The following LPIN2 variants were observed in gnomAD, a reference collection of about 807,000 sequenced individuals.
LPIN2 encodes phosphatidate phosphatase LPIN2.
LPIN2 carries 55 observed loss-of-function variants against 111.4 expected under a neutral mutation model. The ratio of observed to expected loss-of-function variants is 0.49; its 90% CI spans 0.40 to 0.62. LPIN2 has a LOEUF of 0.62. LPIN2 is among the 20% of genes least tolerant of loss of function. The probability of loss-of-function intolerance (pLI) is 0.00; values close to 1 mark genes in which losing one functional copy is unlikely to be tolerated. For synonymous variants in LPIN2, 425 were observed against 414.0 expected (o/e 1.03, Z -0.32); for missense variants, 992 against 1,112.1 (o/e 0.89, Z 1.54).
At chr18:2,937,137 A>G (rs1400154330) in intron 7 of LPIN2, among the ~76,000 whole-genome samples, 1 of 152,126 alleles carries the variant, frequency 6.6e-6, no homozygotes, top group Non-Finnish European at 1.5e-5. Flanking sequence ...TTTCTCAGTA[A>G]ATGCTTCTCA....
At chr18:2,953,208 T>C (rs936246624) in intron 3 of LPIN2, among the ~76,000 whole-genome samples, 3 of 152,232 alleles carry the variant, frequency 2.0e-5, no homozygotes, top group Admixed American at 6.5e-5. Context: ...TTGTCCTTGC[T>C]GAGCATAATT....
chr18:2,960,741 T>C lies in LPIN2; in HGVS notation c.100A>G (p.Ile34Val). Residue 34 changes from isoleucine to valine, a missense_variant, in exon 2 of 20, where the codon ATC (isoleucine) becomes GTC (valine). This residue lies in a region of LPIN2 where 67 missense variants were observed against 112.1 expected (regional missense o/e 0.60). Coordinates refer to ENST00000677752, the MANE Select transcript of LPIN2 (RefSeq NM_001375808.2). ...QATLSGCIDVIVVQQQDGSYQ... is the reference protein window; with the variant it reads ...QATLSGCIDVVVVQQQDGSYQ... ...CTGCCATCCTGCTGCTGTACCACGA[T>C]GACATCAATGCACCCAGAGAGGGTG... 1 of 1,614,142 alleles carries C rather than the reference T, an allele frequency of 6.2e-7. No homozygotes were observed. Among genetic ancestry groups the C allele is most frequent in the Non-Finnish European group, 8.5e-7 (1 of 1,180,032 alleles).
At chr18:2,926,875 C>G (rs954639493) in intron 12 of LPIN2, 70 bp from the exon 13 acceptor site, 8 of 1,217,530 alleles carry the variant, frequency 6.6e-6, no homozygotes. Flanking sequence ...CATCAGCAGC[C>G]CTCTCTAGGA....
intron 2 of LPIN2, among the ~76,000 whole-genome samples, chr18:2,957,026 A>C (rs755203004): frequency 5.9e-5 from 9 of 152,250 alleles, no homozygotes; most frequent in African/African-American, 9.6e-5. Context: ...CACTAATTTG[A>C]TGTATGAAAT....
chr18:2,986,902 CA>C (rs2078195191), intron 1 of LPIN2, among the ~76,000 whole-genome samples: 1 of 151,898 alleles, frequency 6.6e-6, no homozygotes, highest in African/African-American at 2.4e-5. Flanking sequence ...AAAATAAAGC[CA>C]AAAGAAATGG....
intron 1 of LPIN2, among the ~76,000 whole-genome samples, chr18:2,997,400 TACAAGCATGAGCCACTGC>T (rs1341999123): frequency 2.1e-5 from 1 of 48,636 alleles, no homozygotes; most frequent in Admixed American, 2.4e-4. Context: ...GTGCTGGGAT[TACAAGCATGAGCCACTGC>T]ACCTGGCAGA....
chr18:2,931,871 C>T (rs1026268315), intron 8 of LPIN2, among the ~76,000 whole-genome samples: 1 of 152,168 alleles, frequency 6.6e-6, no homozygotes, highest in African/African-American at 2.4e-5. Context: ...GCACTTTATA[C>T]ATCCTGTAGA....
Position 2,920,485 on chromosome 18 carries a change from G to C in LPIN2, c.2547-48C>G, listed in dbSNP as rs761921224. ...GGCACAGGCTATTACTTCAAGATCG[G>C]TCAAAGGCACAAGATGGGGGGCTGT... On this transcript the variant is annotated intron_variant, in intron 19 of 19. Coordinates refer to ENST00000677752, the MANE Select transcript of LPIN2 (RefSeq NM_001375808.2). 176 of 1,605,674 alleles carry C rather than the reference G, an allele frequency of 1.1e-4. 1 individual carries two copies. In the Admixed American group the frequency reaches 2.9e-3, roughly 26 times the overall value.
chr18:3,007,597 T>C (rs1239959136), intron 1 of LPIN2, among the ~76,000 whole-genome samples: 3 of 152,216 alleles, frequency 2.0e-5, no homozygotes, highest in Non-Finnish European at 4.4e-5. Flanking sequence ...ACAAAAGATA[T>C]ATTATATCCC....
chr18:2,937,227 G>A (rs1391170167), intron 7 of LPIN2, among the ~76,000 whole-genome samples: 1 of 152,056 alleles, frequency 6.6e-6, no homozygotes, highest in African/African-American at 2.4e-5. Context: ...CCAGGGGGAC[G>A]CCATGGAAAG....
In LPIN2 at chr18:2,937,686, G is replaced by A. The variant is rs200130790; in HGVS notation, c.1168+6C>T. The A allele has an allele frequency of 3.2e-4, 516 of 1,612,314 alleles. No individual in the cohort carries two copies. The highest frequency in any genetic ancestry group is 3.9e-4 in the Non-Finnish European group (463 of 1,178,952). On this transcript the variant is annotated splice_donor_region_variant and intron_variant, in intron 7 of 19. Coordinates refer to ENST00000677752, the MANE Select transcript of LPIN2 (RefSeq NM_001375808.2). ...GTACCTGGAGCCAAATTAAACAAAC[G>A]ATTACCTTTCTTCTTTGACGGCGAG...
At position 2,940,718 on chromosome 18, in the gene LPIN2, A is replaced by T; in HGVS notation, c.591-6T>A. On this transcript the variant is annotated splice_polypyrimidine_tract_variant and splice_region_variant and intron_variant, in intron 4 of 19. Transcript: ENST00000677752. ...AGGAAGCATTTGAAGATCCTCTGTG[A>T]AGGAGAAACCAAAGAAAGGCAGGAA... 1.3e-6 allele frequency: 2 copies of T among 1,560,270 alleles called. No homozygotes were observed. Among genetic ancestry groups the T allele is most frequent in the Non-Finnish European group, 1.8e-6 (2 of 1,131,880 alleles).
At chr18:2,931,034 T>C (rs2077205412) in intron 9 of LPIN2, among the ~76,000 whole-genome samples, 1 of 152,148 alleles carries the variant, frequency 6.6e-6, no homozygotes, top group South Asian at 2.1e-4. Flanking sequence ...AATTTGAAAT[T>C]AGAGCCTTTA....
In LPIN2 at chr18:2,931,112, G is replaced by T. The variant is rs983338962; in HGVS notation, c.1456+144C>A. 4.1e-6 allele frequency: 4 copies of T among 970,180 alleles called. No individual in the cohort carries two copies. The African/African-American group carries it at 6.5e-5, about 16-fold the overall frequency. The allele number at this position is 970,180 out of a possible 1,614,324, so 60.1% of individuals were successfully genotyped here. On this transcript the variant is annotated intron_variant, in intron 9 of 19. Transcript: ENST00000677752. The stretch of plus-strand genomic sequence containing the variant: ...TAAGACCTTAAGTGAGGGTATAAGG[G>T]TCTGACATTACAGAACATACCTGTT...
intron 1 of LPIN2, among the ~76,000 whole-genome samples, chr18:3,009,076 GC>G (rs1430341726): frequency 1.3e-5 from 2 of 151,902 alleles, no homozygotes; most frequent in African/African-American, 4.8e-5. Context: ...AGACCAGCCT[GC>G]GCAACACAGG....
At chr18:2,952,625 A>C (rs1169577335) in intron 3 of LPIN2, among the ~76,000 whole-genome samples, 1 of 152,202 alleles carries the variant, frequency 6.6e-6, no homozygotes, top group African/African-American at 2.4e-5. Context: ...CTTACAGAGA[A>C]ATTGTAATAA....
chr18:2,999,599 G>A (rs1429027179), intron 1 of LPIN2, among the ~76,000 whole-genome samples: 1 of 100,506 alleles, frequency 9.9e-6, no homozygotes, highest in East Asian at 3.2e-4. Flanking sequence ...GAGAAACTCC[G>A]TCTCAAAAAG....
At chr18:2,928,681 G>A (rs1397628507) in intron 10 of LPIN2, 21 bp from the exon 11 acceptor site, 2 of 1,604,034 alleles carry the variant, frequency 1.2e-6, no homozygotes, top group Non-Finnish European at 8.5e-7. Flanking sequence ...CAAAAATTGT[G>A]CAAAACCATT....
intron 2 of LPIN2, among the ~76,000 whole-genome samples, chr18:2,955,991 T>C (rs2077606509): frequency 6.6e-6 from 1 of 152,068 alleles, no homozygotes; most frequent in Non-Finnish European, 1.5e-5. Context: ...CACACTGAAG[T>C]GAGGAAGAAT....
Sources: gnomAD v4.1 joint callset for allele counts (sites outside exome capture counted in the v4.1 genomes callset) on GRCh38, gnomAD v4.1.1 for gene constraint, gnomAD v4.1.1 regional missense constraint, MANE v1.5 for transcripts, NCBI Gene and HGNC (gene_info 2026-07-23, HGNC 2026-07-21) for gene names.